Variants in RNF157 observed in about 807,000 individuals in gnomAD.
RNF157 encodes the protein E3 ubiquitin ligase RNF157.
Under a neutral mutation model 88.3 loss-of-function variants are expected in RNF157, and 55 were observed. The ratio of observed to expected loss-of-function variants is 0.62; its 90% confidence interval spans 0.50 to 0.78. The LOEUF (loss-of-function observed/expected upper bound fraction) is 0.78, where lower values mean the gene tolerates loss of function less well. RNF157 is among the 30% of genes least tolerant of loss of function. The probability of loss-of-function intolerance (pLI) is 0.00; values close to 1 mark genes in which losing one functional copy is unlikely to be tolerated. For synonymous variants in RNF157, 334 were observed against 341.2 expected, an observed-to-expected ratio of 0.98 and a Z score of 0.23; for missense variants, 788 against 860.8, an observed-to-expected ratio of 0.92 and a Z score of 1.06.
chr17:76,193,215 T>C (rs2069415788), intron 2 of RNF157, among the ~76,000 whole-genome samples: 1 of 152,226 alleles, frequency 6.6e-6, no homozygotes, highest in Non-Finnish European at 1.5e-5. Flanking sequence ...CTTCTGTCTA[T>C]CTCATAGGGT....
intron 2 of RNF157, among the ~76,000 whole-genome samples, chr17:76,184,748 T>G (rs538809658): frequency 6.6e-6 from 1 of 152,192 alleles, no homozygotes; most frequent in African/African-American, 2.4e-5. Flanking sequence ...ATGAGGGAGA[T>G]AGCAAGAGAG....
intron 2 of RNF157, among the ~76,000 whole-genome samples, chr17:76,210,643 AT>A (rs2069780472): frequency 6.6e-6 from 1 of 151,218 alleles, no homozygotes; most frequent in Admixed American, 6.6e-5. Flanking sequence ...AACCAAAAAA[AT>A]AATTATTTTT....
At chr17:76,220,684 G>A (rs2069967061) in intron 1 of RNF157, among the ~76,000 whole-genome samples, 1 of 151,984 alleles carries the variant, frequency 6.6e-6, no homozygotes, top group African/African-American at 2.4e-5. Context: ...GCTGGGCCAG[G>A]CGCAGTGGCT....
At chr17:76,173,306 AAG>A (rs1687010166) in intron 3 of RNF157, among the ~76,000 whole-genome samples, 1 of 152,106 alleles carries the variant, frequency 6.6e-6, no homozygotes, top group Admixed American at 6.5e-5. Flanking sequence ...AGAAAAGAAA[AAG>A]AAAATATAGC....
intron 1 of RNF157, among the ~76,000 whole-genome samples, chr17:76,222,216 C>T (rs995137090): frequency 2.0e-5 from 3 of 152,078 alleles, no homozygotes; most frequent in Non-Finnish European, 4.4e-5. Flanking sequence ...TGTAGTGGCA[C>T]ACGCCTGTGA....
At chr17:76,234,770 T>C (rs1369096362) in intron 1 of RNF157, among the ~76,000 whole-genome samples, 2 of 152,216 alleles carry the variant, frequency 1.3e-5, no homozygotes, top group South Asian at 2.1e-4. Context: ...ATTCTTGTCA[T>C]ACCTATGATT....
At chr17:76,215,560 G>C (rs1329712551) in intron 1 of RNF157, among the ~76,000 whole-genome samples, 1 of 145,376 alleles carries the variant, frequency 6.9e-6, no homozygotes, top group Admixed American at 6.9e-5. Flanking sequence ...AAAAAAATGA[G>C]ATTCAGTACT....
intron 15 of RNF157, 95 bp downstream of exon 15, chr17:76,155,467 C>A: frequency 6.6e-7 from 1 of 1,515,356 alleles, no homozygotes. Context: ...ATTTTGGGGG[C>A]TTTGCAGCCA....
chr17:76,217,709 C>T (rs2069913207), intron 1 of RNF157, among the ~76,000 whole-genome samples: 1 of 152,158 alleles, frequency 6.6e-6, no homozygotes, highest in Admixed American at 6.5e-5. Context: ...ACGTCACTCA[C>T]AGATAAACTG....
intron 13 of RNF157, 92 bp from the exon 14 acceptor site, chr17:76,156,413 T>C: frequency 6.4e-7 from 1 of 1,567,378 alleles, no homozygotes; most frequent in East Asian, 2.3e-5. Flanking sequence ...TGGGTAGAGA[T>C]GAGGAGGAAA....
intron 3 of RNF157, among the ~76,000 whole-genome samples, chr17:76,169,232 T>C (rs1341555237): frequency 1.3e-5 from 2 of 152,218 alleles, no homozygotes; most frequent in African/African-American, 4.8e-5. Context: ...TTCTAGAATA[T>C]TTCAAGTTTT....
At chr17:76,179,083 A>G (rs1236179991) in intron 2 of RNF157, among the ~76,000 whole-genome samples, 3 of 152,192 alleles carry the variant, frequency 2.0e-5, no homozygotes, top group Non-Finnish European at 4.4e-5. Context: ...ACCATTACTA[A>G]GTTATATTTA....
Position 76,173,778 on chromosome 17 carries a change from C to T in RNF157, c.220G>A (p.Ala74Thr), listed in dbSNP as rs747917834. 16 of 1,608,948 alleles carry T rather than the reference C, an allele frequency of 9.9e-6. No homozygotes were observed. In the East Asian group the frequency reaches 1.1e-4, roughly 11 times the overall value. The change falls in exon 3 of 19, where the codon GCC (alanine) becomes ACC (threonine). Residue 74 changes from alanine to threonine, a missense_variant. By Grantham distance (58) the Ala-to-Thr change is moderately conservative (BLOSUM62 0). Transcript: ENST00000269391. ...TTCACGGGTTCTTGGGGAGGTGGGGCGGCGTAAGGAAACTGTGTCAGAAAC... is the reference window on the plus strand; with the variant it reads ...TTCACGGGTTCTTGGGGAGGTGGGGTGGCGTAAGGAAACTGTGTCAGAAAC... ...GNRPVVFPYA[A>T]PPPQEPVKTL...
intron 12 of RNF157, 47 bp from the exon 13 acceptor site, chr17:76,158,548 A>G (rs1278777856): frequency 7.3e-7 from 1 of 1,365,780 alleles, no homozygotes; most frequent in Non-Finnish European, 1.0e-6. Flanking sequence ...GTCCATTTAA[A>G]GAACAGAACT....
At chr17:76,184,466 C>G (rs1014059442) in intron 2 of RNF157, among the ~76,000 whole-genome samples, 3 of 152,134 alleles carry the variant, frequency 2.0e-5, no homozygotes, top group Admixed American at 6.5e-5. Flanking sequence ...TATTTTTAGA[C>G]TGGTGATGGA....
At chr17:76,198,808 T>C (rs1359000000) in intron 2 of RNF157, among the ~76,000 whole-genome samples, 1 of 152,212 alleles carries the variant, frequency 6.6e-6, no homozygotes, top group East Asian at 1.9e-4. Flanking sequence ...CAGGGAGGCA[T>C]ACCAGGCCCC....
At chr17:76,206,431 A>T (rs1018373030) in intron 2 of RNF157, among the ~76,000 whole-genome samples, 6 of 152,196 alleles carry the variant, frequency 3.9e-5, no homozygotes, top group Non-Finnish European at 8.8e-5. Context: ...TGATTCACAG[A>T]TACCTTAGTT....
chr17:76,226,433 G>T, intron 1 of RNF157: 2 of 1,597,984 alleles, frequency 1.3e-6, no homozygotes, highest in Non-Finnish European at 8.6e-7. Context: ...CTGGACTAGG[G>T]GGGCAAAGAG....
intron 1 of RNF157, among the ~76,000 whole-genome samples, chr17:76,233,113 G>C (rs1191796507): frequency 1.3e-5 from 2 of 151,982 alleles, no homozygotes; most frequent in Non-Finnish European, 2.9e-5. Context: ...GCAGAGACAG[G>C]GTTTCACCAT....
Sources: gnomAD v4.1 joint callset for allele counts (sites outside exome capture counted in the v4.1 genomes callset) on GRCh38, gnomAD v4.1.1 for gene constraint, MANE v1.5 for transcripts, NCBI Gene and HGNC (gene_info 2026-07-23, HGNC 2026-07-21) for gene names.